Variants in SGIP1 observed in about 807,000 individuals in gnomAD.
The protein encoded by SGIP1 is SH3-containing GRB2-like protein 3-interacting protein 1.
SGIP1 carries 38 observed loss-of-function variants against 107.5 expected under a neutral mutation model. The ratio of observed to expected loss-of-function variants is 0.35; its 90% CI spans 0.27 to 0.46. The LOEUF (loss-of-function observed/expected upper bound fraction) is 0.46. Ranked by LOEUF, SGIP1 falls within the 20% of genes least tolerant of loss-of-function variation. The pLI is 1.00. For missense variants in SGIP1, 929 were observed against 1,019.5 expected, an observed-to-expected ratio of 0.91 and a Z score of 1.21; for synonymous variants, 365 against 366.1, an observed-to-expected ratio of 1.00 and a Z score of 0.03.
intron 3 of SGIP1, 139 bp downstream of exon 3, chr1:66,633,233 C>G (rs953734423): frequency 3.0e-6 from 2 of 662,676 alleles, no homozygotes; most frequent in Admixed American, 5.0e-5. Context: ...TTGGAATTTT[C>G]TATATTAATT....
intron 18 of SGIP1, among the ~76,000 whole-genome samples, chr1:66,711,485 G>T (rs1200442317): frequency 1.3e-5 from 2 of 152,080 alleles, no homozygotes; most frequent in African/African-American, 4.8e-5. Context: ...CTGTAGAATT[G>T]GGTCTCATTT....
chr1:66,750,762 G>A lies in SGIP1; in HGVS notation c.*7667G>A, dbSNP rs567401240. ...CTGTGCTCAAGAGAAAACCAACAAC[G>A]GAAGCGAAGACTTACTTGCTCCTTC... On this transcript the variant is annotated 3_prime_UTR_variant, in exon 25 of 25. Coordinates refer to ENST00000371037, the MANE Select transcript of SGIP1 (RefSeq NM_032291.4). 8.3e-5 allele frequency among the ~76,000 whole-genome samples: 11 copies of A among 131,742 alleles called. No individual in the cohort carries two copies. The East Asian group carries it at 1.2e-3, about 14-fold the overall frequency. 86.4% of individuals were successfully genotyped at this position (131,742 alleles called of 152,430 possible). A position where few individuals can be genotyped will look rare whatever the true frequency, so the allele number is the denominator to read the frequency against.
At chr1:66,690,462 A>G (rs966853637) in intron 17 of SGIP1, 146 bp downstream of exon 17, 21 of 1,140,898 alleles carry the variant, frequency 1.8e-5, no homozygotes, top group Non-Finnish European at 2.5e-5. Context: ...TTTTAAAACC[A>G]CCTTCTCAGC....
intron 1 of SGIP1, among the ~76,000 whole-genome samples, chr1:66,563,924 G>A (rs1159630238): frequency 6.6e-6 from 1 of 151,966 alleles, no homozygotes; most frequent in African/African-American, 2.4e-5. Flanking sequence ...TAACGCAGAG[G>A]TCCTATCTAG....
chr1:66,736,393 TGTGAA>T (rs368008377), intron 21 of SGIP1, among the ~76,000 whole-genome samples: 1 of 6,624 alleles, frequency 1.5e-4, no homozygotes, highest in South Asian at 0.017. Context: ...ATATAATATA[TGTGAA>T]TATATTATAT....
At position 66,579,477 on chromosome 1, in the gene SGIP1, A is replaced by C. The variant is rs1230388412; in HGVS notation, c.10+45109A>C. On this transcript the variant is annotated intron_variant, in intron 1 of 24. Coordinates refer to ENST00000371037, the MANE Select transcript of SGIP1 (RefSeq NM_032291.4). ...GGCAGAGGGCAGACTTGAAATGAAAAATTTTTAAAGCTGTGCATCTGGACC... is the reference window on the plus strand; with the variant it reads ...GGCAGAGGGCAGACTTGAAATGAAACATTTTTAAAGCTGTGCATCTGGACC... Among the ~76,000 whole-genome samples the C allele has an allele frequency of 2.0e-5, 3 of 152,178 alleles. No individual in the cohort carries two copies. The East Asian group carries it at 5.8e-4, about 29-fold the overall frequency.
At chr1:66,664,968 G>A (rs2082235017) in intron 8 of SGIP1, among the ~76,000 whole-genome samples, 1 of 152,088 alleles carries the variant, frequency 6.6e-6, no homozygotes, top group Admixed American at 6.5e-5. Flanking sequence ...TTTTGTTGTT[G>A]TTGTTGTTGT....
At position 66,717,718 on chromosome 1, in the gene SGIP1, T is replaced by C. The variant is rs888399200; in HGVS notation, c.1631-1576T>C. ...AATCTTAAACTTTATGCATACCAGC[T>C]GTGCAGGACTGAACAAGTTGTATAA... On this transcript the variant is annotated intron_variant, in intron 18 of 24. Transcript: ENST00000371037. Among the ~76,000 whole-genome samples, 7 of 152,290 alleles carry C rather than the reference T, an allele frequency of 4.6e-5. No homozygotes were observed. The East Asian group carries it at 1.3e-3, about 29-fold the overall frequency.
intron 1 of SGIP1, among the ~76,000 whole-genome samples, chr1:66,557,376 G>A (rs55830106): frequency 0.12 from 18,764 of 152,106 alleles, 1,268 homozygotes; most frequent in Admixed American, 0.17. Flanking sequence ...TCTGCAAAAG[G>A]TTAATTGGAT....
chr1:66,712,559 G>C (rs1478584838), intron 18 of SGIP1, among the ~76,000 whole-genome samples: 1 of 152,044 alleles, frequency 6.6e-6, no homozygotes, highest in East Asian at 1.9e-4. Context: ...TGTGCATTTT[G>C]CTTTTTTTCT....
At chr1:66,569,804 T>G (rs2060137843) in intron 1 of SGIP1, among the ~76,000 whole-genome samples, 1 of 151,878 alleles carries the variant, frequency 6.6e-6, no homozygotes, top group South Asian at 2.1e-4. Flanking sequence ...TTAGAAAATT[T>G]TCTTTTCTAA....
At chr1:66,609,850 A>G (rs1243183628) in intron 1 of SGIP1, among the ~76,000 whole-genome samples, 1 of 152,208 alleles carries the variant, frequency 6.6e-6, no homozygotes, top group Non-Finnish European at 1.5e-5. Flanking sequence ...GCACCACACA[A>G]TTAACTTCAT....
At chr1:66,533,985 T>G (rs1398410418), upstream of SGIP1, among the ~76,000 whole-genome samples, 49 of 116,790 alleles carry the variant, frequency 4.2e-4, no homozygotes, top group African/African-American at 5.4e-4. Context: ...GCGATGGGGG[T>G]GGAGGGGAAT....
chr1:66,718,613 G>A (rs927647363), intron 18 of SGIP1, among the ~76,000 whole-genome samples: 1 of 152,232 alleles, frequency 6.6e-6, no homozygotes, highest in East Asian at 1.9e-4. Context: ...AGGCACCCAT[G>A]TTCATACAGA....
rs372062787 is a variant in SGIP1 at position 66,618,355 on chromosome 1, G to A, written c.11-7492G>A. ...ATACACAAATAAATATCAAAAAACT[G>A]GCCACCAATGGAATGTAGATTGCAA... On this transcript the variant is annotated intron_variant, in intron 1 of 24. Transcript: ENST00000371037. 7.2e-5 allele frequency among the ~76,000 whole-genome samples: 11 copies of A among 152,186 alleles called. No individual in the cohort carries two copies. In the East Asian group the frequency reaches 1.5e-3, roughly 21 times the overall value.
rs1359399808 is a variant in SGIP1, at chr1:66,637,440, CGTGTGTGTGTGTGTTTGTGTGTGT to C, written c.171+1440_171+1463del. Among the ~76,000 whole-genome samples the C allele has an allele frequency of 2.2e-4, 25 of 112,450 alleles. No homozygotes were observed. In the East Asian group the frequency reaches 2.3e-3, roughly 11 times the overall value. The allele number at this position is 112,450 out of a possible 152,430, so 73.8% of individuals were successfully genotyped here. On this transcript the variant is annotated intron_variant, in intron 4 of 24. Transcript: ENST00000371037. Reference sequence around the variant, plus strand: ...TGAGACCAAATTCCTCTAATAAAGCCGTGTGTGTGTGTGTTTGTGTGTGTGTGTGTGTGTGTGTGTGTGTGTGTG... The same window carrying C: ...TGAGACCAAATTCCTCTAATAAAGCCGTGTGTGTGTGTGTGTGTGTGTGTG...
At chr1:66,604,009 A>G (rs1361313240) in intron 1 of SGIP1, among the ~76,000 whole-genome samples, 1 of 152,170 alleles carries the variant, frequency 6.6e-6, no homozygotes, top group Non-Finnish European at 1.5e-5. Context: ...TTGATCAGAG[A>G]ATAACAACAC....
chr1:66,697,246 C>T (rs780102116), intron 18 of SGIP1, among the ~76,000 whole-genome samples: 1 of 152,062 alleles, frequency 6.6e-6, no homozygotes, highest in African/African-American at 2.4e-5. Flanking sequence ...TATTATCAAT[C>T]AAATATAAAT....
chr1:66,696,752 C>T (rs1275746541), intron 18 of SGIP1, among the ~76,000 whole-genome samples: 3 of 152,320 alleles, frequency 2.0e-5, no homozygotes, highest in South Asian at 2.1e-4. Context: ...ATCTTCTGCA[C>T]ATGAAGTCAA....
Sources: gnomAD v4.1 joint callset for allele counts (sites outside exome capture counted in the v4.1 genomes callset) on GRCh38, gnomAD v4.1.1 for gene constraint, MANE v1.5 for transcripts, NCBI Gene and HGNC (gene_info 2026-07-23, HGNC 2026-07-21) for gene names.